The following VSTM4 variants were observed in gnomAD, a reference collection of about 807,000 sequenced individuals.
VSTM4 encodes V-set and transmembrane domain-containing protein 4.
In VSTM4, 20 loss-of-function variants were observed where a neutral mutation model predicts 36.4. The ratio of observed to expected loss-of-function variants is 0.55; its 90% CI spans 0.39 to 0.80. The LOEUF is 0.80. Ranked by LOEUF, VSTM4 falls within the 30% of genes least tolerant of loss-of-function variation. The pLI is 0.00. For synonymous variants in VSTM4, 182 were observed against 173.9 expected, an observed-to-expected ratio of 1.05 and a Z score of -0.37; for missense variants, 392 against 404.5, an observed-to-expected ratio of 0.97 and a Z score of 0.26.
At chr10:49,072,463 C>T (rs1564582916) in intron 4 of VSTM4, among the ~76,000 whole-genome samples, 1 of 152,196 alleles carries the variant, frequency 6.6e-6, no homozygotes, top group Non-Finnish European at 1.5e-5. Flanking sequence ...CAAACTTGTT[C>T]CTTGCTTGCT....
At position 49,019,610 on chromosome 10, in the gene VSTM4, G is replaced by A. The variant is rs774903531; in HGVS notation, c.*40C>T. 2 of 1,563,290 alleles carry A rather than the reference G, an allele frequency of 1.3e-6. No individual in the cohort carries two copies. Among genetic ancestry groups the A allele is most frequent in the Non-Finnish European group, 1.7e-6 (2 of 1,151,010 alleles). On this transcript the variant is annotated 3_prime_UTR_variant, in exon 8 of 8. Transcript: ENST00000332853. ...TCTCCAAGGCTTCATAAATCACTGG[G>A]TGGCAGGTATTAAATAGAACCTTGG...
At chr10:49,074,093 CAG>C (rs1178704980) in intron 4 of VSTM4, among the ~76,000 whole-genome samples, 3 of 152,196 alleles carry the variant, frequency 2.0e-5, no homozygotes, top group Non-Finnish European at 4.4e-5. Flanking sequence ...CATATACAAA[CAG>C]GTGCTTATCT....
chr10:49,103,577 C>T (rs925514534), intron 2 of VSTM4: 1 of 1,412,386 alleles, frequency 7.1e-7, no homozygotes, highest in African/African-American at 1.4e-5. Context: ...AGAGCCAACA[C>T]TCCTATGGCT....
chr10:49,068,555 G>C (rs1008053553), intron 4 of VSTM4, among the ~76,000 whole-genome samples: 1 of 152,176 alleles, frequency 6.6e-6, no homozygotes, highest in Non-Finnish European at 1.5e-5. Context: ...CTGCCCACAG[G>C]ATCAAAAGTG....
Position 49,072,530 on chromosome 10 carries a change from C to T in VSTM4, c.634+4689G>A, listed in dbSNP as rs191522760. Reference sequence around the variant, plus strand: ...GTGAGAAGAGACAGCAATAAAGTCTCCTTTGAGTGGTGATTTAAAGATAAC... The same window carrying T: ...GTGAGAAGAGACAGCAATAAAGTCTTCTTTGAGTGGTGATTTAAAGATAAC... On this transcript the variant is annotated intron_variant, in intron 4 of 7. Coordinates refer to ENST00000332853, the MANE Select transcript of VSTM4 (RefSeq NM_001031746.5). 3.9e-5 allele frequency among the ~76,000 whole-genome samples: 6 copies of T among 152,298 alleles called. No individual in the cohort carries two copies. The East Asian group carries it at 1.2e-3, about 29-fold the overall frequency.
At chr10:49,050,976 G>T (rs1843688130) in intron 5 of VSTM4, among the ~76,000 whole-genome samples, 1 of 152,092 alleles carries the variant, frequency 6.6e-6, no homozygotes. Context: ...CTCCACACAT[G>T]CACAGCCTCC....
In VSTM4 at chr10:49,047,044, G is replaced by A; in HGVS notation, c.776C>T (p.Ala259Val). Reference protein sequence around the residue: ...PDIPPAVPAKAPIAPTFHKPK... With the variant: ...PDIPPAVPAKVPIAPTFHKPK... The stretch of plus-strand genomic sequence containing the variant: ...TTTATGGAACGTGGGGGCTATCGGA[G>A]CTGTGGAAGTAGGTCAAGGGTTTAG... The change falls in exon 7 of 8, where the codon GCT becomes GTT. Residue 259 changes from alanine (A) to valine (V), a missense_variant and splice_region_variant. Coordinates refer to ENST00000332853, the MANE Select transcript of VSTM4 (RefSeq NM_001031746.5). 6.2e-7 allele frequency: 1 copy of A among 1,614,154 alleles called. No individual in the cohort carries two copies.
chr10:49,069,605 C>A (rs543760579), intron 4 of VSTM4, among the ~76,000 whole-genome samples: 11 of 152,342 alleles, frequency 7.2e-5, no homozygotes, highest in Non-Finnish European at 1.3e-4. Flanking sequence ...CTACACACAG[C>A]CCTGTTTCCA....
intron 5 of VSTM4, among the ~76,000 whole-genome samples, chr10:49,052,626 A>G (rs1843716137): frequency 6.6e-6 from 1 of 152,164 alleles, no homozygotes; most frequent in African/African-American, 2.4e-5. Flanking sequence ...TTTTGCTAAA[A>G]TCTTTTGACA....
chr10:49,047,040 C>A lies in VSTM4; in HGVS notation c.780G>T (p.Pro260=), dbSNP rs376793962. The A allele has an allele frequency of 3.7e-6, 6 of 1,613,958 alleles. No individual in the cohort carries two copies. The highest frequency in any genetic ancestry group is 4.5e-5 in the East Asian group (2 of 44,886). ...DIPPAVPAKA[P]IAPTFHKPKL... ...TCGGTTTATGGAACGTGGGGGCTATCGGAGCTGTGGAAGTAGGTCAAGGGT... is the reference window on the plus strand; with the variant it reads ...TCGGTTTATGGAACGTGGGGGCTATAGGAGCTGTGGAAGTAGGTCAAGGGT... The change falls in exon 7 of 8, where the codon CCG becomes CCT. Residue 260 remains proline, a synonymous_variant. Coordinates refer to ENST00000332853, the MANE Select transcript of VSTM4 (RefSeq NM_001031746.5).
chr10:49,050,199 C>T (rs752958859), intron 5 of VSTM4, among the ~76,000 whole-genome samples: 1 of 152,050 alleles, frequency 6.6e-6, no homozygotes, highest in South Asian at 2.1e-4. Context: ...ATAAAATGTG[C>T]CACTTTTACA....
At position 49,055,801 on chromosome 10, in the gene VSTM4, A is replaced by T. The variant is rs572130893; in HGVS notation, c.669-7217T>A. Among the ~76,000 whole-genome samples the T allele has an allele frequency of 2.6e-5, 4 of 152,368 alleles. No individual in the cohort carries two copies. In the East Asian group the frequency reaches 7.7e-4, roughly 29 times the overall value. The stretch of plus-strand genomic sequence containing the variant: ...GATTCTTTTCCATTAAGTGGGTGAC[A>T]TGAGCCAACCACATAGAATTGTGTC... On this transcript the variant is annotated intron_variant, in intron 5 of 7. Coordinates refer to ENST00000332853, the MANE Select transcript of VSTM4 (RefSeq NM_001031746.5).
chr10:49,067,979 T>TA (rs1486388630), intron 4 of VSTM4, among the ~76,000 whole-genome samples: 1 of 152,254 alleles, frequency 6.6e-6, no homozygotes, highest in Non-Finnish European at 1.5e-5. Flanking sequence ...AGATTACTTG[T>TA]AATACATAAT....
At chr10:49,080,179 G>A (rs1321706418) in intron 3 of VSTM4, among the ~76,000 whole-genome samples, 2 of 152,202 alleles carry the variant, frequency 1.3e-5, no homozygotes, top group South Asian at 2.1e-4. Flanking sequence ...GAATAGCTGA[G>A]TCAACAGGAA....
intron 2 of VSTM4, among the ~76,000 whole-genome samples, chr10:49,099,973 G>A (rs551041635): frequency 6.6e-6 from 1 of 152,206 alleles, no homozygotes; most frequent in African/African-American, 2.4e-5. Flanking sequence ...CCAAGATCAT[G>A]CCACTGCACT....
chr10:49,105,227 G>GAGAA lies in VSTM4; in HGVS notation c.457+2366_457+2367insTTCT, dbSNP rs539719761. ...AGACAGAGAGACAGAGAGAGAGAGAGAGAGAGAGACAGAGAGGGAAAGAGA... is the reference window on the plus strand; with the variant it reads ...AGACAGAGAGACAGAGAGAGAGAGAGAGAAAGAGAGAGACAGAGAGGGAAAGAGA... On this transcript the variant is annotated intron_variant, in intron 2 of 7. Coordinates refer to ENST00000332853, the MANE Select transcript of VSTM4 (RefSeq NM_001031746.5). Among the ~76,000 whole-genome samples, 5 of 148,088 alleles carry GAGAA rather than the reference G, an allele frequency of 3.4e-5. 1 individual carries two copies. Among genetic ancestry groups the GAGAA allele is most frequent in the Non-Finnish European group, 1.5e-5 (1 of 67,112 alleles).
chr10:49,068,539 G>A (rs1042227051), intron 4 of VSTM4, among the ~76,000 whole-genome samples: 8 of 152,190 alleles, frequency 5.3e-5, no homozygotes, highest in Non-Finnish European at 7.3e-5. Flanking sequence ...GTCCCATTAA[G>A]AGGGACTGCC....
Position 49,070,008 on chromosome 10 carries a change from T to G in VSTM4, c.635-5272A>C, listed in dbSNP as rs539936018. 2.4e-5 allele frequency among the ~76,000 whole-genome samples: 3 copies of G among 126,038 alleles called. 1 individual carries two copies. In the South Asian group the frequency reaches 7.1e-4, roughly 30 times the overall value. 82.7% of individuals were successfully genotyped at this position (126,038 alleles called of 152,430 possible). A position where few individuals can be genotyped will look rare whatever the true frequency, so the allele number is the denominator to read the frequency against. On this transcript the variant is annotated intron_variant, in intron 4 of 7. Coordinates refer to ENST00000332853, the MANE Select transcript of VSTM4 (RefSeq NM_001031746.5). ...TGGCTCACGCCTGTAATCCCAGCAC[T>G]TTGGGAGGCCGAGGCGGGCGGATCA...
chr10:49,081,212 T>C (rs1443725402), intron 3 of VSTM4, among the ~76,000 whole-genome samples: 3 of 152,160 alleles, frequency 2.0e-5, no homozygotes, highest in Non-Finnish European at 2.9e-5. Context: ...GCAGAGCCCT[T>C]GCTGGCAGGA....
Sources: gnomAD v4.1 joint callset for allele counts (sites outside exome capture counted in the v4.1 genomes callset) on GRCh38, gnomAD v4.1.1 for gene constraint, MANE v1.5 for transcripts, NCBI Gene and HGNC (gene_info 2026-07-23, HGNC 2026-07-21) for gene names.